STXBP3: variants seen among roughly 807,000 people sequenced by gnomAD.
STXBP3 encodes the protein syntaxin binding protein 3, also known as syntaxin-binding protein 3.
STXBP3 carries 41 observed loss-of-function variants against 85.7 expected under a neutral mutation model. That is an observed-to-expected ratio of 0.48 (90% CI 0.37 to 0.62). STXBP3 has a LOEUF of 0.62. Ranked by LOEUF, STXBP3 falls within the 20% of genes least tolerant of loss-of-function variation. STXBP3 has a pLI of 0.00. For synonymous variants in STXBP3, 229 were observed against 231.7 expected (o/e 0.99, Z 0.10); for missense variants, 563 against 703.1 (o/e 0.80, Z 2.25).
intron 5 of STXBP3, among the ~76,000 whole-genome samples, chr1:108,759,616 C>G (rs76025530): frequency 2.0e-5 from 3 of 152,156 alleles, no homozygotes; most frequent in African/African-American, 7.2e-5. Flanking sequence ...GTATGGATCA[C>G]TTAGTGGCAA....
chr1:108,793,491 T>A (rs1663022165), intron 11 of STXBP3, 91 bp from the exon 12 acceptor site: 2 of 1,142,660 alleles, frequency 1.8e-6, no homozygotes, highest in East Asian at 2.5e-5. Flanking sequence ...TTAACTAGAT[T>A]TGATAATTTG....
intron 1 of STXBP3, among the ~76,000 whole-genome samples, chr1:108,748,700 C>T (rs1272783654): frequency 6.6e-6 from 1 of 151,916 alleles, no homozygotes; most frequent in African/African-American, 2.4e-5. Flanking sequence ...GGTGTGGTAA[C>T]GCACACCTGT....
chr1:108,748,656 ACTCT>A (rs368741984), intron 1 of STXBP3, among the ~76,000 whole-genome samples: 253 of 151,770 alleles, frequency 1.7e-3, no homozygotes, highest in African/African-American at 6.0e-3. Context: ...ACATGGTGAA[ACTCT>A]CTCTCTATCA....
intron 6 of STXBP3, among the ~76,000 whole-genome samples, chr1:108,760,586 T>C (rs977355213): frequency 8.5e-5 from 13 of 152,208 alleles, no homozygotes; most frequent in African/African-American, 3.1e-4. Flanking sequence ...TAATACTCCC[T>C]ATGTGTCATA....
chr1:108,748,264 T>C (rs535877738), intron 1 of STXBP3, among the ~76,000 whole-genome samples: 3 of 152,340 alleles, frequency 2.0e-5, no homozygotes, highest in African/African-American at 7.2e-5. Context: ...CCAGGTGCAG[T>C]GGTTCACGCC....
intron 11 of STXBP3, among the ~76,000 whole-genome samples, chr1:108,783,145 G>A (rs1014154083): frequency 6.6e-6 from 1 of 152,184 alleles, no homozygotes; most frequent in Non-Finnish European, 1.5e-5. Flanking sequence ...CCACTTTGGT[G>A]CTGGGATTAC....
At chr1:108,778,563 T>C (rs1490221135) in intron 8 of STXBP3, among the ~76,000 whole-genome samples, 1 of 152,160 alleles carries the variant, frequency 6.6e-6, no homozygotes, top group Non-Finnish European at 1.5e-5. Flanking sequence ...AATGCCCTCA[T>C]GGTCAACTGG....
At chr1:108,789,991 CAAA>C (rs35345273) in intron 11 of STXBP3, among the ~76,000 whole-genome samples, 4 of 121,218 alleles carry the variant, frequency 3.3e-5, no homozygotes, top group African/African-American at 9.1e-5. Context: ...GACTCTGTCT[CAAA>C]AAAAAAAAAA....
intron 12 of STXBP3, among the ~76,000 whole-genome samples, chr1:108,794,229 C>G (rs896252763): frequency 3.1e-4 from 47 of 152,148 alleles, no homozygotes; most frequent in African/African-American, 1.1e-3. Flanking sequence ...TTCAACAATT[C>G]AATGCTTCCA....
chr1:108,754,566 C>A (rs1023042711), intron 3 of STXBP3, among the ~76,000 whole-genome samples: 4 of 152,104 alleles, frequency 2.6e-5, no homozygotes, highest in Non-Finnish European at 5.9e-5. Flanking sequence ...AACTGCAGAG[C>A]CATTATGCAC....
At chr1:108,771,884 TATG>T (rs1479601600) in intron 6 of STXBP3, among the ~76,000 whole-genome samples, 1 of 74,428 alleles carries the variant, frequency 1.3e-5, no homozygotes, top group East Asian at 3.6e-4. Context: ...TATAAATACA[TATG>T]ATATCTATCT....
chr1:108,767,410 C>G (rs1477051834), intron 6 of STXBP3: 1 of 204,976 alleles, frequency 4.9e-6, no homozygotes, highest in Non-Finnish European at 9.9e-6. Context: ...TGAAAACATT[C>G]CTTCTTGAGT....
Position 108,807,766 on chromosome 1 carries a change from A to G in STXBP3, c.1684+217A>G, listed in dbSNP as rs973400957. On this transcript the variant is annotated intron_variant, in intron 18 of 18. Coordinates refer to ENST00000370008, the MANE Select transcript of STXBP3 (RefSeq NM_007269.4). Reference sequence around the variant, plus strand: ...TAATTTTTGTATTTTTAGTAGAGACAGGGTTTCACCATGTTGGCCAGGCTG... The same window carrying G: ...TAATTTTTGTATTTTTAGTAGAGACGGGGTTTCACCATGTTGGCCAGGCTG... Among the ~76,000 whole-genome samples the G allele has an allele frequency of 4.6e-5, 7 of 152,052 alleles. No homozygotes were observed. In the South Asian group the frequency reaches 1.2e-3, roughly 27 times the overall value.
In STXBP3 at chr1:108,807,539, A is replaced by C. The variant is rs776993002; in HGVS notation, c.1674A>C (p.Glu558Asp). Reference protein sequence around the residue: ...YEVSQAHKSCEVIIGSTHVLT... With the variant: ...YEVSQAHKSCDVIIGSTHVLT... ...TTTCTCAGGCACATAAATCCTGTGA[A>C]GTTATTATTGGTAAGACTTTCATTT... is the stretch of plus-strand genomic sequence containing the variant. Residue 558 changes from glutamate (E) to aspartate (D), a missense_variant, in exon 18 of 19, where the codon GAA becomes GAC. Physicochemically the swap from Glu to Asp is conservative, Grantham distance 45. Around this residue, in one of 3 missense-constraint regions of STXBP3, gnomAD observed 494 missense variants for 592.8 expected, o/e 0.83. Coordinates refer to ENST00000370008, the MANE Select transcript of STXBP3 (RefSeq NM_007269.4). The C allele has an allele frequency of 4.0e-5, 64 of 1,592,946 alleles. 1 individual carries two copies. In the South Asian group the frequency reaches 7.4e-4, roughly 18 times the overall value.
At chr1:108,807,345 T>A in intron 17 of STXBP3, 56 bp from the exon 18 acceptor site, 1 of 1,545,094 alleles carries the variant, frequency 6.5e-7, no homozygotes, top group Non-Finnish European at 8.7e-7. Flanking sequence ...ACAAGCATTA[T>A]GGCTTTGGAA....
At chr1:108,753,202 A>T in intron 3 of STXBP3, 58 bp downstream of exon 3, 1 of 1,270,280 alleles carries the variant, frequency 7.9e-7, no homozygotes, top group Non-Finnish European at 1.1e-6. Flanking sequence ...GATCTGAGGT[A>T]TTAAATTTTA....
At chr1:108,798,269 G>C in intron 16 of STXBP3, 32 bp downstream of exon 16, 1 of 1,535,922 alleles carries the variant, frequency 6.5e-7, no homozygotes, top group Admixed American at 1.8e-5. Context: ...TTTTCTACCT[G>C]AGTGCCCTCT....
intron 11 of STXBP3, among the ~76,000 whole-genome samples, chr1:108,793,063 CTT>C (rs1413782497): frequency 6.7e-6 from 1 of 148,158 alleles, no homozygotes; most frequent in Non-Finnish European, 1.5e-5. Flanking sequence ...AGGACAATCT[CTT>C]TACACATTTT....
At chr1:108,770,018 G>A (rs1199131100) in intron 6 of STXBP3, among the ~76,000 whole-genome samples, 3 of 152,142 alleles carry the variant, frequency 2.0e-5, no homozygotes, top group South Asian at 2.1e-4. Context: ...GGCTGAGCAC[G>A]GTGGCTCACA....
Sources: allele counts gnomAD v4.1 joint callset (sites outside exome capture counted in the v4.1 genomes callset), GRCh38; gene constraint gnomAD v4.1.1; regional missense constraint gnomAD v4.1.1; transcripts MANE v1.5; gene names NCBI Gene and HGNC (gene_info 2026-07-23, HGNC 2026-07-21).